FARP2: variants seen among roughly 807,000 people sequenced by gnomAD.
The protein encoded by FARP2 is FERM, ARH/RhoGEF and pleckstrin domain protein 2.
In FARP2, 111 loss-of-function variants were observed where a neutral mutation model predicts 130.5. That is an observed-to-expected ratio of 0.85 (90% CI 0.73 to 1.00). The LOEUF is 1.00. Ranked by LOEUF, FARP2 falls within the 50% of genes least tolerant of loss-of-function variation. The pLI is 0.00. For synonymous variants in FARP2, 504 were observed against 516.9 expected (o/e 0.98, Z 0.34); for missense variants, 1,385 against 1,346.3 (o/e 1.03, Z -0.45).
In FARP2 at chr2:241,482,821, C is replaced by T. The variant is rs1158406497; in HGVS notation, c.2263-644C>T. Among the ~76,000 whole-genome samples, 1 of 152,086 alleles carries T rather than the reference C, an allele frequency of 6.6e-6. No individual in the cohort carries two copies. Among genetic ancestry groups the T allele is most frequent in the Non-Finnish European group, 1.5e-5 (1 of 68,002 alleles). ...GTCCAGGTTAGGAATCTGAGGGGCT[C>T]CCAGGACTCTCGCTTACCCTATCTG... On this transcript the variant is annotated intron_variant, in intron 19 of 26. Coordinates refer to ENST00000264042, the MANE Select transcript of FARP2 (RefSeq NM_014808.4). This position sits in a 1 kb window ranked among gnomAD's most constrained non-coding sequence, Gnocchi z 4.6.
chr2:241,494,194 A>C lies in FARP2; in HGVS notation c.*69A>C, dbSNP rs2065040816. 2 of 958,928 alleles carry C rather than the reference A, an allele frequency of 2.1e-6. No individual in the cohort carries two copies. The highest frequency in any genetic ancestry group is 3.1e-5 in the Admixed American group (1 of 32,564). The allele number at this position is 958,928 out of a possible 1,614,324, so 59.4% of individuals were successfully genotyped here. ...GGACACAGAGGTGACCTCTGTCCTG[A>C]GGCTTCTCAACAGATGGGAAGTGGC... On this transcript the variant is annotated 3_prime_UTR_variant, in exon 27 of 27. Coordinates refer to ENST00000264042, the MANE Select transcript of FARP2 (RefSeq NM_014808.4). The surrounding 1 kb of genome is among the most constrained non-coding windows in gnomAD (Gnocchi z 4.9).
chr2:241,491,439 G>A, intron 23 of FARP2, 77 bp from the exon 24 acceptor site: 1 of 1,523,014 alleles, frequency 6.6e-7, no homozygotes, highest in Non-Finnish European at 9.0e-7. Flanking sequence ...CCCCCGAGAG[G>A]AACCCAAGGG....
intron 19 of FARP2, chr2:241,478,816 C>T (rs1373392901): frequency 1.3e-5 from 5 of 391,434 alleles, no homozygotes; most frequent in South Asian, 4.3e-5. Flanking sequence ...CCACCATGTC[C>T]GACAGCTGGA....
At chr2:241,408,222 A>G (rs2062416086) in intron 5 of FARP2, among the ~76,000 whole-genome samples, 1 of 152,170 alleles carries the variant, frequency 6.6e-6, no homozygotes, top group South Asian at 2.1e-4. Flanking sequence ...AATACAAAAA[A>G]TAAGCCGGGC....
chr2:241,476,579 C>T (rs1574898723), intron 19 of FARP2, among the ~76,000 whole-genome samples: 1 of 152,046 alleles, frequency 6.6e-6, no homozygotes, highest in East Asian at 1.9e-4. Flanking sequence ...ATCCCAGCTA[C>T]GCAGGAGGCT....
chr2:241,490,412 AGT>A (rs2064862913), intron 22 of FARP2, among the ~76,000 whole-genome samples: 1 of 151,784 alleles, frequency 6.6e-6, no homozygotes, highest in Admixed American at 6.6e-5. Context: ...GCCAGCAGCT[AGT>A]GGTCAAAGCC....
chr2:241,380,518 A>AT (rs2061636968), intron 2 of FARP2, among the ~76,000 whole-genome samples: 1 of 151,922 alleles, frequency 6.6e-6, no homozygotes, highest in Non-Finnish European at 1.5e-5. Flanking sequence ...AGAGTTTCAG[A>AT]TTTTTTTCAG....
rs1380638344 is a variant in FARP2 at position 241,417,961 on chromosome 2, G to A, written c.624-1G>A. 2 of 1,613,490 alleles carry A rather than the reference G, an allele frequency of 1.2e-6. No homozygotes were observed. The highest frequency in any genetic ancestry group is 1.7e-6 in the Non-Finnish European group (2 of 1,179,846). ...TATGATTCTACCATTTTTTATTACA[G>A]GGGCCAGACACCTGCTGAGTCGGAT... On this transcript the variant is annotated splice_acceptor_variant, in intron 7 of 26. Transcript: ENST00000264042. LOFTEE classifies it high-confidence loss of function.
chr2:241,430,603 G>T (rs558443305), intron 8 of FARP2, among the ~76,000 whole-genome samples: 2 of 152,274 alleles, frequency 1.3e-5, no homozygotes, highest in South Asian at 4.1e-4. Flanking sequence ...TCCCTGCCCT[G>T]CCTGGCCACT....
rs1215427650 is a variant in FARP2, at chr2:241,491,158, A to G, written c.2602A>G (p.Thr868Ala). The stretch of plus-strand genomic sequence containing the variant: ...CACGGCCCCTGCACTGCCAGGCCGC[A>G]CTGTGTGCACTCGTCCCCCCAGTGA... ...GDTAPALPGRTVCTRPPRSPN... is the reference protein window; with the variant it reads ...GDTAPALPGRAVCTRPPRSPN... The change falls in exon 23 of 27, where the codon ACT becomes GCT. Residue 868 changes from threonine (T) to alanine (A), a missense_variant. Coordinates refer to ENST00000264042, the MANE Select transcript of FARP2 (RefSeq NM_014808.4). 1.9e-6 allele frequency: 3 copies of G among 1,612,452 alleles called. No individual in the cohort carries two copies. The highest frequency in any genetic ancestry group is 2.2e-5 in the South Asian group (2 of 91,066).
Position 241,475,973 on chromosome 2 carries a change from A to G in FARP2, c.2248A>G (p.Ile750Val). The G allele has an allele frequency of 1.2e-6, 2 of 1,612,622 alleles. No homozygotes were observed. The highest frequency in any genetic ancestry group is 1.7e-6 in the Non-Finnish European group (2 of 1,179,098). The change falls in exon 19 of 27, where the codon ATT (isoleucine) becomes GTT (valine). Residue 750 changes from isoleucine (I) to valine (V), a missense_variant. Coordinates refer to ENST00000264042, the MANE Select transcript of FARP2 (RefSeq NM_014808.4). This position sits in a 1 kb window ranked among gnomAD's most constrained non-coding sequence, Gnocchi z 4.4. ...QRDLVGIENL[I>V]APGREFIREG... ...GGACCTGGTGGGCATAGAGAACCTC[A>G]TTGCTCCTGGCAGGGTGAGTGACCT...
rs114941417 is a variant in FARP2, at chr2:241,437,364, G to A, written c.1158+826G>A. 4.7e-3 allele frequency among the ~76,000 whole-genome samples: 714 copies of A among 152,300 alleles called. 3 individuals carry two copies. The highest frequency in any genetic ancestry group is 0.016 in the African/African-American group (680 of 41,564). ...CGTGCCACTGTGATGGGACATCAGC[G>A]ACCTTCTCATGTTTCAGGTCTACTT... On this transcript the variant is annotated intron_variant, in intron 12 of 26. Coordinates refer to ENST00000264042, the MANE Select transcript of FARP2 (RefSeq NM_014808.4).
intron 8 of FARP2, among the ~76,000 whole-genome samples, chr2:241,428,840 A>G (rs2063023678): frequency 6.6e-6 from 1 of 152,176 alleles, no homozygotes; most frequent in East Asian, 1.9e-4. Flanking sequence ...ACAGGCACCC[A>G]TCAGGATATT....
chr2:241,460,932 C>T (rs2063998806), intron 14 of FARP2, among the ~76,000 whole-genome samples: 1 of 152,178 alleles, frequency 6.6e-6, no homozygotes, highest in Admixed American at 6.5e-5. Context: ...TCTCAGTAGA[C>T]TGTAGGGTGC....
chr2:241,398,814 C>G (rs2062092650), intron 2 of FARP2, among the ~76,000 whole-genome samples: 1 of 152,182 alleles, frequency 6.6e-6, no homozygotes, highest in African/African-American at 2.4e-5. Flanking sequence ...GGTGATCTGC[C>G]TGCCTCGGCT....
intron 21 of FARP2, among the ~76,000 whole-genome samples, chr2:241,486,521 C>A (rs1413040280): frequency 1.9e-5 from 1 of 53,068 alleles, no homozygotes; most frequent in African/African-American, 6.4e-5. Flanking sequence ...AGAACTCTAT[C>A]ATCGTACCCA....
chr2:241,465,606 C>T (rs2240482), intron 17 of FARP2: 338,103 of 1,550,368 alleles, frequency 0.22, 38,884 homozygotes, highest in East Asian at 0.39. Flanking sequence ...CAGTGCAGGT[C>T]GTGCATTGAC....
intron 2 of FARP2, among the ~76,000 whole-genome samples, chr2:241,397,294 C>T (rs1276758360): frequency 6.6e-6 from 1 of 152,024 alleles, no homozygotes; most frequent in Non-Finnish European, 1.5e-5. Flanking sequence ...TGTAACTAAC[C>T]TGCACATTGT....
At chr2:241,484,149 T>C (rs1405438795) in intron 20 of FARP2, 93 bp from the exon 21 acceptor site, 76 of 1,576,986 alleles carry the variant, frequency 4.8e-5, no homozygotes, top group East Asian at 3.2e-4. Flanking sequence ...ACAGATCTGA[T>C]GTCCACATGA....
Sources: gnomAD v4.1 joint callset for allele counts (sites outside exome capture counted in the v4.1 genomes callset) on GRCh38, gnomAD v4.1.1 for gene constraint, Gnocchi (gnomAD v3.1) non-coding constraint, MANE v1.5 for transcripts, NCBI Gene and HGNC (gene_info 2026-07-23, HGNC 2026-07-21) for gene names.